PCDH7: variants seen among roughly 807,000 people sequenced by gnomAD.
PCDH7 encodes the protein protocadherin-7.
Under a neutral mutation model 58.9 loss-of-function variants are expected in PCDH7, and 17 were observed. That is an observed-to-expected ratio of 0.29 (90% confidence interval 0.20 to 0.43). The LOEUF (loss-of-function observed/expected upper bound fraction) is 0.43, where lower values mean the gene tolerates loss of function less well. PCDH7 is among the 20% of genes least tolerant of loss of function. The pLI is 1.00. For missense variants in PCDH7, 1,274 were observed against 1,441.0 expected (o/e 0.88, Z 1.88); for synonymous variants, 664 against 616.4 (o/e 1.08, Z -1.14).
chr4:30,749,378 A>C (rs564136082), intron 1 of PCDH7, among the ~76,000 whole-genome samples: 1 of 152,268 alleles, frequency 6.6e-6, no homozygotes, highest in South Asian at 2.1e-4. Flanking sequence ...AATCGGTGCA[A>C]GTTTTTTTCT....
intron 3 of PCDH7, among the ~76,000 whole-genome samples, chr4:31,011,705 G>A (rs1355464169): frequency 6.6e-6 from 1 of 151,696 alleles, no homozygotes; most frequent in African/African-American, 2.4e-5. Context: ...TCAACTTTAA[G>A]GTAATTACCT....
At chr4:31,118,223 T>A (rs1391741925) in intron 3 of PCDH7, among the ~76,000 whole-genome samples, 2 of 152,162 alleles carry the variant, frequency 1.3e-5, no homozygotes, top group South Asian at 4.1e-4. Context: ...TGTCCAGCAT[T>A]GTAAGAAAGT....
chr4:30,955,609 C>A (rs924328576), intron 3 of PCDH7, among the ~76,000 whole-genome samples: 1 of 151,612 alleles, frequency 6.6e-6, no homozygotes. Flanking sequence ...TGAGCAGTGG[C>A]GCAATCTCAG....
intron 1 of PCDH7, among the ~76,000 whole-genome samples, chr4:30,894,087 T>C (rs1308726260): frequency 6.6e-6 from 1 of 152,134 alleles, no homozygotes; most frequent in Non-Finnish European, 1.5e-5. Flanking sequence ...TGGGCTATTA[T>C]ATTTTGTTCT....
At chr4:30,724,659 A>G (rs1285218386) in intron 1 of PCDH7, 63 bp downstream of exon 1, 6 of 1,535,144 alleles carry the variant, frequency 3.9e-6, no homozygotes, top group African/African-American at 1.4e-5. Flanking sequence ...GAGACAGATT[A>G]TCTTCTGTAA....
intron 1 of PCDH7, among the ~76,000 whole-genome samples, chr4:30,788,843 C>T (rs190284803): frequency 9.7e-4 from 147 of 152,230 alleles, no homozygotes; most frequent in African/African-American, 3.3e-3. Context: ...GGTATTCAGA[C>T]TTTTCAACTG....
At chr4:30,883,139 C>G (rs1204727331) in intron 1 of PCDH7, among the ~76,000 whole-genome samples, 6 of 152,210 alleles carry the variant, frequency 3.9e-5, no homozygotes, top group Non-Finnish European at 2.9e-5. Context: ...TTCTCTAAAT[C>G]ACTACACTGA....
intron 1 of PCDH7, among the ~76,000 whole-genome samples, chr4:30,916,977 C>T (rs1438873201): frequency 6.6e-6 from 1 of 152,136 alleles, no homozygotes; most frequent in Non-Finnish European, 1.5e-5. Context: ...AGAATTATCA[C>T]GTAAGCTATT....
At chr4:30,751,018 A>T (rs1718447711) in intron 1 of PCDH7, among the ~76,000 whole-genome samples, 1 of 152,210 alleles carries the variant, frequency 6.6e-6, no homozygotes, top group African/African-American at 2.4e-5. Context: ...GTTATGGTGC[A>T]GAAGCAGTGG....
At chr4:31,137,023 T>C (rs1719682983) in intron 3 of PCDH7, among the ~76,000 whole-genome samples, 1 of 152,232 alleles carries the variant, frequency 6.6e-6, no homozygotes, top group Non-Finnish European at 1.5e-5. Context: ...TCATTTAGAC[T>C]AATGACAGTG....
intron 3 of PCDH7, among the ~76,000 whole-genome samples, chr4:31,062,338 A>G (rs912309597): frequency 6.6e-6 from 1 of 151,792 alleles, no homozygotes; most frequent in African/African-American, 2.4e-5. Context: ...ACGCATAGAA[A>G]AGAAATCAAG....
intron 1 of PCDH7, among the ~76,000 whole-genome samples, chr4:30,771,477 GCA>G (rs1490938407): frequency 6.6e-6 from 1 of 152,114 alleles, no homozygotes; most frequent in Admixed American, 6.5e-5. Context: ...CATTCAATAG[GCA>G]CTCGTGGGGG....
chr4:30,875,596 C>T (rs1003539338), intron 1 of PCDH7, among the ~76,000 whole-genome samples: 8 of 152,068 alleles, frequency 5.3e-5, no homozygotes, highest in African/African-American at 1.9e-4. Flanking sequence ...ATTTAGTTAC[C>T]TCCCTCTCTC....
rs78333935 is a variant in PCDH7, at chr4:31,006,567, G to A, written c.*7+56352G>A. Among the ~76,000 whole-genome samples the A allele has an allele frequency of 1.8e-4, 28 of 152,210 alleles. No individual in the cohort carries two copies. In the East Asian group the frequency reaches 4.1e-3, roughly 22 times the overall value. ...TAGGAAGTTTCACGGTTGCAGTCAC[G>A]TATAATGTGAGTTTAACTCATGCTT... is the stretch of plus-strand genomic sequence containing the variant. On this transcript the variant is annotated intron_variant, in intron 3 of 3. Coordinates refer to the PCDH7 transcript ENST00000509759.
chr4:30,821,039 T>C (rs7670614), intron 1 of PCDH7, among the ~76,000 whole-genome samples: 16,728 of 152,246 alleles, frequency 0.11, 1,222 homozygotes, highest in Non-Finnish European at 0.16. Context: ...GAGCACTTAA[T>C]GTCAGTCGCT....
chr4:30,889,838 A>G (rs542510014), intron 1 of PCDH7, among the ~76,000 whole-genome samples: 1 of 152,240 alleles, frequency 6.6e-6, no homozygotes, highest in East Asian at 1.9e-4. Context: ...GTTCCAATAT[A>G]CAAATTTGGG....
intron 3 of PCDH7, among the ~76,000 whole-genome samples, chr4:31,100,262 G>T (rs529615206): frequency 4.6e-5 from 7 of 152,124 alleles, no homozygotes; most frequent in Non-Finnish European, 8.8e-5. Flanking sequence ...TGGAGATATC[G>T]GGGGGATCAG....
At chr4:30,801,110 T>C (rs867403768) in intron 1 of PCDH7, among the ~76,000 whole-genome samples, 1 of 152,132 alleles carries the variant, frequency 6.6e-6, no homozygotes, top group African/African-American at 2.4e-5. Context: ...TCAAGAAGCA[T>C]ATGGACAGAA....
At chr4:31,062,340 G>T (rs964082918) in intron 3 of PCDH7, among the ~76,000 whole-genome samples, 2 of 151,624 alleles carry the variant, frequency 1.3e-5, no homozygotes, top group African/African-American at 4.8e-5. Context: ...GCATAGAAAA[G>T]AAATCAAGTA....
Sources: allele counts gnomAD v4.1 joint callset (sites outside exome capture counted in the v4.1 genomes callset), GRCh38; gene constraint gnomAD v4.1.1; transcripts MANE v1.5; gene names NCBI Gene and HGNC (gene_info 2026-07-23, HGNC 2026-07-21).